STX7: variants seen among roughly 807,000 people sequenced by gnomAD.
STX7 encodes syntaxin 7.
A neutral mutation model predicts 39.6 loss-of-function variants in STX7; 34 were observed. That is an observed-to-expected ratio of 0.86 (90% CI 0.65 to 1.14). STX7 has a LOEUF of 1.14. Ranked by LOEUF, STX7 falls within the 50% of genes most tolerant of loss-of-function variation. STX7 has a pLI of 0.00. For missense variants in STX7, 284 were observed against 310.4 expected, an observed-to-expected ratio of 0.92 and a Z score of 0.64; for synonymous variants, 119 against 99.1, an observed-to-expected ratio of 1.20 and a Z score of -1.19.
Position 132,452,417 on chromosome 6 carries a change from T to C in STX7, c.*8341A>G, listed in dbSNP as rs4897587. ...ACTGAAAGGAAAAAAAAAAGGAATA[T>C]AGGTCAGAAATGAAGAGATAAAACT... On this transcript the variant is annotated 3_prime_UTR_variant, in exon 10 of 10. Transcript: ENST00000367941. 0.65 allele frequency: 98,251 copies of C among 151,462 alleles called. 32,488 individuals are homozygous for C. The highest frequency in any genetic ancestry group is 0.86 in the East Asian group (4,436 of 5,152). The allele number at this position is 151,462 out of a possible 1,614,324, so 9.4% of individuals were successfully genotyped here. A position where few individuals can be genotyped will look rare whatever the true frequency, so the allele number is the denominator to read the frequency against.
chr6:132,502,545 C>T (rs912615722), intron 2 of STX7, among the ~76,000 whole-genome samples: 6 of 152,192 alleles, frequency 3.9e-5, no homozygotes, highest in Admixed American at 2.6e-4. Context: ...ACGATGAATA[C>T]TTCCGAATGA....
At chr6:132,478,336 T>C (rs1774927160) in intron 2 of STX7, among the ~76,000 whole-genome samples, 1 of 152,060 alleles carries the variant, frequency 6.6e-6, no homozygotes, top group South Asian at 2.1e-4. Context: ...ACTCAGCCAA[T>C]TAAAGAATTG....
rs570153037 is a variant in STX7, at chr6:132,452,576, A to G, written c.*8182T>C. The stretch of plus-strand genomic sequence containing the variant: ...AAATAGAAAAATTCACTTTATTTCT[A>G]TGTACTTAGAATAGACATGTGAACA... On this transcript the variant is annotated 3_prime_UTR_variant, in exon 10 of 10. Transcript: ENST00000367941. 2 of 152,288 alleles carry G rather than the reference A, an allele frequency of 1.3e-5. No homozygotes were observed. Among genetic ancestry groups the G allele is most frequent in the East Asian group, 1.9e-4 (1 of 5,188 alleles). 9.4% of individuals were successfully genotyped at this position (152,288 alleles called of 1,614,324 possible).
At chr6:132,508,436 G>A (rs1400492115) in intron 1 of STX7, among the ~76,000 whole-genome samples, 1 of 152,184 alleles carries the variant, frequency 6.6e-6, no homozygotes, top group East Asian at 1.9e-4. Flanking sequence ...CTGCTGGTGA[G>A]ACAATTGGCA....
chr6:132,468,358 A>G (rs371381874), intron 8 of STX7, 45 bp downstream of exon 8: 192 of 1,433,922 alleles, frequency 1.3e-4, no homozygotes, highest in Non-Finnish European at 9.9e-5. Flanking sequence ...GGTAAAGTGC[A>G]TGTAGCTTGC....
chr6:132,490,970 A>G (rs886503402), intron 2 of STX7, among the ~76,000 whole-genome samples: 3 of 132,494 alleles, frequency 2.3e-5, no homozygotes, highest in Admixed American at 1.5e-4. Flanking sequence ...TCAGTGCAGC[A>G]CAGCACAGCA....
At chr6:132,467,310 T>C (rs975119418) in intron 8 of STX7, among the ~76,000 whole-genome samples, 10 of 152,148 alleles carry the variant, frequency 6.6e-5, no homozygotes, top group African/African-American at 2.2e-4. Context: ...TTTCTCTTAC[T>C]TGCTCCCTTA....
At chr6:132,460,999 T>C (rs767472171) in intron 9 of STX7, 149 bp from the exon 10 acceptor site, 6 of 628,126 alleles carry the variant, frequency 9.6e-6, no homozygotes, top group East Asian at 2.9e-5. Context: ...TGTTTTTTTG[T>C]TCCTCAAAAA....
intron 9 of STX7, among the ~76,000 whole-genome samples, chr6:132,463,689 G>A (rs1330696227): frequency 6.6e-6 from 1 of 152,124 alleles, no homozygotes; most frequent in Non-Finnish European, 1.5e-5. Flanking sequence ...TTTCTGGGTA[G>A]AAATGTCACA....
intron 1 of STX7, among the ~76,000 whole-genome samples, chr6:132,507,065 CT>C (rs1275191001): frequency 1.3e-5 from 2 of 152,160 alleles, no homozygotes; most frequent in East Asian, 3.8e-4. Context: ...AAGTCAAATG[CT>C]GCATGTTCTC....
At chr6:132,472,476 T>C (rs994529385) in intron 3 of STX7, 101 bp from the exon 4 acceptor site, 4 of 885,674 alleles carry the variant, frequency 4.5e-6, no homozygotes, top group Non-Finnish European at 6.5e-6. Flanking sequence ...TGTACAAAAA[T>C]TGCCTTTTCA....
chr6:132,491,227 G>A (rs1775277338), intron 2 of STX7, among the ~76,000 whole-genome samples: 1 of 151,218 alleles, frequency 6.6e-6, no homozygotes, highest in Admixed American at 6.6e-5. Flanking sequence ...TTGCCACAAA[G>A]TGAATATGGT....
intron 2 of STX7, among the ~76,000 whole-genome samples, chr6:132,489,947 C>A (rs1006071137): frequency 2.0e-5 from 3 of 152,160 alleles, no homozygotes. Context: ...AAAAACAAGT[C>A]ATCTAAAATT....
chr6:132,486,881 T>C (rs998741950), intron 2 of STX7, among the ~76,000 whole-genome samples: 1 of 152,086 alleles, frequency 6.6e-6, no homozygotes, highest in African/African-American at 2.4e-5. Context: ...TGGCCAGGCT[T>C]GTCTTGAACT....
chr6:132,461,905 A>G, intron 9 of STX7: 1 of 1,459,350 alleles, frequency 6.9e-7, no homozygotes, highest in East Asian at 2.5e-5. Flanking sequence ...TGTCAAGTAG[A>G]AGTACCAAAA....
At chr6:132,500,344 C>A (rs1775527891) in intron 2 of STX7, among the ~76,000 whole-genome samples, 1 of 152,210 alleles carries the variant, frequency 6.6e-6, no homozygotes, top group African/African-American at 2.4e-5. Context: ...ACTCTTGCCC[C>A]AGATGCTGTG....
Position 132,452,937 on chromosome 6 carries a change from G to T in STX7, c.*7821C>A, listed in dbSNP as rs1170572280. On this transcript the variant is annotated 3_prime_UTR_variant, in exon 10 of 10. Coordinates refer to ENST00000367941, the MANE Select transcript of STX7 (RefSeq NM_003569.3). ...AAGTGGCTAAAACAATTTTGAAAAA[G>T]AAAGTGGAATAAACCAGCCTATTTG... The T allele has an allele frequency of 1.3e-5, 2 of 152,086 alleles. No individual in the cohort carries two copies. The highest frequency in any genetic ancestry group is 3.8e-4 in the East Asian group (2 of 5,196). 9.4% of individuals were successfully genotyped at this position (152,086 alleles called of 1,614,324 possible). A position where few individuals can be genotyped will look rare whatever the true frequency, so the allele number is the denominator to read the frequency against.
chr6:132,452,871 A>C lies in STX7; in HGVS notation c.*7887T>G, dbSNP rs1774162049. 1 of 152,182 alleles carries C rather than the reference A, an allele frequency of 6.6e-6. No homozygotes were observed. Among genetic ancestry groups the C allele is most frequent in the Admixed American group, 6.5e-5 (1 of 15,272 alleles). 9.4% of individuals were successfully genotyped at this position (152,182 alleles called of 1,614,324 possible). A position where few individuals can be genotyped will look rare whatever the true frequency, so the allele number is the denominator to read the frequency against. On this transcript the variant is annotated 3_prime_UTR_variant, in exon 10 of 10. Coordinates refer to ENST00000367941, the MANE Select transcript of STX7 (RefSeq NM_003569.3). ...CAGTAAGATATTTGAATAGATACAGACAAGATTATTCCAAAGTTTATACGG... is the reference window on the plus strand; with the variant it reads ...CAGTAAGATATTTGAATAGATACAGCCAAGATTATTCCAAAGTTTATACGG...
Position 132,456,996 on chromosome 6 carries a change from G to A in STX7, c.*3762C>T, listed in dbSNP as rs1774257946. 6.6e-6 allele frequency: 1 copy of A among 152,326 alleles called. No individual in the cohort carries two copies. Among genetic ancestry groups the A allele is most frequent in the African/African-American group, 2.4e-5 (1 of 41,454 alleles). 9.4% of individuals were successfully genotyped at this position (152,326 alleles called of 1,614,324 possible). A position where few individuals can be genotyped will look rare whatever the true frequency, so the allele number is the denominator to read the frequency against. On this transcript the variant is annotated 3_prime_UTR_variant, in exon 10 of 10. Transcript: ENST00000367941. ...AATCTCTTGCAAGGCACTGGCTTTG[G>A]AGCTATTAACAGCTGACAGCTGGGG...
Sources: gnomAD v4.1 joint callset for allele counts (sites outside exome capture counted in the v4.1 genomes callset) on GRCh38, gnomAD v4.1.1 for gene constraint, MANE v1.5 for transcripts, NCBI Gene and HGNC (gene_info 2026-07-23, HGNC 2026-07-21) for gene names.